The following DHRS7B variants were observed in gnomAD, a reference collection of about 807,000 sequenced individuals.
DHRS7B encodes the protein peroxisomal reductase activating PPAR-gamma.
DHRS7B carries 24 observed loss-of-function variants against 26.4 expected under a neutral mutation model. The observed-to-expected ratio is 0.91, with a 90% confidence interval of 0.66 to 1.28. The LOEUF (loss-of-function observed/expected upper bound fraction) is 1.28. Among genes scored for constraint, DHRS7B ranks in the 50% most tolerant of loss-of-function variants. DHRS7B has a pLI of 0.00. For missense variants in DHRS7B, 368 were observed against 419.4 expected, an observed-to-expected ratio of 0.88 and a Z score of 1.07; for synonymous variants, 142 against 166.4, an observed-to-expected ratio of 0.85 and a Z score of 1.13.
chr17:21,180,829 A>C (rs1974500938), intron 3 of DHRS7B, among the ~76,000 whole-genome samples: 1 of 152,162 alleles, frequency 6.6e-6, no homozygotes, highest in Admixed American at 6.5e-5. Context: ...GTAATCCCAT[A>C]TTTGTGCAAA....
chr17:21,149,028 T>C (rs1295140873), intron 1 of DHRS7B, among the ~76,000 whole-genome samples: 1 of 151,856 alleles, frequency 6.6e-6, no homozygotes, highest in Non-Finnish European at 1.5e-5. Context: ...ATAATCAGAC[T>C]CTTAAAGGTC....
intron 1 of DHRS7B, among the ~76,000 whole-genome samples, chr17:21,130,947 A>G (rs1720781959): frequency 6.6e-6 from 1 of 152,216 alleles, no homozygotes; most frequent in African/African-American, 2.4e-5. Context: ...ACCCACCCAG[A>G]TAGGAAATAC....
chr17:21,166,542 A>G, intron 1 of DHRS7B: 1 of 175,866 alleles, frequency 5.7e-6, no homozygotes, highest in South Asian at 2.8e-4. Context: ...TTTGAGACCA[A>G]AAAAAAAAAA....
At chr17:21,139,507 C>G (rs142199452) in intron 1 of DHRS7B, among the ~76,000 whole-genome samples, 2,972 of 152,034 alleles carry the variant, frequency 0.02, 115 homozygotes, top group African/African-American at 0.068. Flanking sequence ...AACCCTGTCT[C>G]TACTAAAAAT....
intron 3 of DHRS7B, among the ~76,000 whole-genome samples, chr17:21,179,555 G>A (rs367793444): frequency 5.9e-5 from 9 of 152,088 alleles, no homozygotes; most frequent in Admixed American, 1.3e-4. Context: ...AACCAAGATC[G>A]CACCACTGCA....
intron 1 of DHRS7B, among the ~76,000 whole-genome samples, chr17:21,138,075 A>AAAATATATATATAT (rs1238830544): frequency 3.0e-5 from 1 of 33,220 alleles, no homozygotes; most frequent in African/African-American, 1.4e-4. Context: ...TTAAAAAAAA[A>AAAATATATATATAT]ATATATATAT....
chr17:21,138,843 T>C lies in DHRS7B; in HGVS notation c.20+11852T>C, dbSNP rs973110142. Among the ~76,000 whole-genome samples the C allele has an allele frequency of 3.3e-5, 5 of 152,258 alleles. No individual in the cohort carries two copies. The East Asian group carries it at 7.7e-4, about 23-fold the overall frequency. On this transcript the variant is annotated intron_variant, in intron 1 of 6. Coordinates refer to ENST00000395511, the MANE Select transcript of DHRS7B (RefSeq NM_015510.5). The stretch of plus-strand genomic sequence containing the variant: ...AAATACCCAAATAATTAAATACCTA[T>C]TATTTAATTTAATATAACTTTATAT...
intron 1 of DHRS7B, among the ~76,000 whole-genome samples, chr17:21,137,849 C>T (rs957410726): frequency 4.0e-5 from 6 of 151,296 alleles, no homozygotes; most frequent in African/African-American, 7.3e-5. Flanking sequence ...CTGCTTGCCT[C>T]GGCCTCCCAT....
At chr17:21,138,207 C>CCTT (rs1454822194) in intron 1 of DHRS7B, among the ~76,000 whole-genome samples, 1 of 117,560 alleles carries the variant, frequency 8.5e-6, no homozygotes, top group African/African-American at 3.2e-5. Context: ...ATCCATCCCT[C>CCTT]CTTCTTTTTT....
intron 5 of DHRS7B, among the ~76,000 whole-genome samples, chr17:21,187,220 G>A (rs968538259): frequency 1.3e-5 from 2 of 151,622 alleles, no homozygotes; most frequent in African/African-American, 4.8e-5. Context: ...CTTTGGGAGG[G>A]TGAAGTGGGA....
At chr17:21,152,226 C>A (rs1174359847) in intron 1 of DHRS7B, among the ~76,000 whole-genome samples, 1 of 152,176 alleles carries the variant, frequency 6.6e-6, no homozygotes. Context: ...CTGATCTCAG[C>A]TCACTGTAGC....
At chr17:21,136,079 A>C (rs1973333538) in intron 1 of DHRS7B, among the ~76,000 whole-genome samples, 1 of 152,222 alleles carries the variant, frequency 6.6e-6, no homozygotes, top group African/African-American at 2.4e-5. Context: ...TGGGTGGATC[A>C]CCTGAGGTCA....
intron 1 of DHRS7B, among the ~76,000 whole-genome samples, chr17:21,147,177 C>T (rs934790109): frequency 2.0e-5 from 3 of 152,038 alleles, no homozygotes; most frequent in Non-Finnish European, 2.9e-5. Context: ...CTGAACAGAG[C>T]TGGGGGTCTT....
rs2143821636 is a variant in DHRS7B, at chr17:21,127,202, TG to T, written c.20+213del. The T allele has an allele frequency of 5.8e-6, 3 of 515,912 alleles. No homozygotes were observed. The South Asian group carries it at 9.8e-5, about 17-fold the overall frequency. 32.0% of individuals were successfully genotyped at this position (515,912 alleles called of 1,614,324 possible). On this transcript the variant is annotated intron_variant, in intron 1 of 6. Transcript: ENST00000395511. ...CAGAGCCCTGGCTCCGGCGAGTGCG[TG>T]GCGGGGAAACCCGCCTGTCGCCGAG...
chr17:21,167,333 A>G (rs898457491), intron 1 of DHRS7B, among the ~76,000 whole-genome samples: 1 of 152,122 alleles, frequency 6.6e-6, no homozygotes, highest in Non-Finnish European at 1.5e-5. Flanking sequence ...CCTTAGCGGG[A>G]CTTTGCTACC....
At chr17:21,158,920 G>T (rs1181090939) in intron 1 of DHRS7B, among the ~76,000 whole-genome samples, 1 of 147,014 alleles carries the variant, frequency 6.8e-6, no homozygotes, top group Admixed American at 6.8e-5. Flanking sequence ...ATGGAGAAAA[G>T]ATAGTCTTTT....
At chr17:21,152,529 G>A (rs1973793971) in intron 1 of DHRS7B, among the ~76,000 whole-genome samples, 1 of 152,188 alleles carries the variant, frequency 6.6e-6, no homozygotes, top group Admixed American at 6.5e-5. Context: ...CCAGTCATGG[G>A]GGGTGCTCAT....
rs750850282 is a variant in DHRS7B, at chr17:21,127,058, G to T, written c.20+67G>T. The T allele has an allele frequency of 2.1e-6, 3 of 1,434,000 alleles. No homozygotes were observed. The African/African-American group carries it at 4.5e-5, about 22-fold the overall frequency. The allele number at this position is 1,434,000 out of a possible 1,614,324, so 88.8% of individuals were successfully genotyped here. A position where few individuals can be genotyped will look rare whatever the true frequency, so the allele number is the denominator to read the frequency against. On this transcript the variant is annotated intron_variant, in intron 1 of 6. Coordinates refer to ENST00000395511, the MANE Select transcript of DHRS7B (RefSeq NM_015510.5). ...GGGTCTGGCCTTGAGCTGAGGCGAC[G>T]CCCCGGCTTGGGTGAGGGGAAGCGG... is the stretch of plus-strand genomic sequence containing the variant.
At chr17:21,137,313 T>TTTTTTTTTG (rs1390786571) in intron 1 of DHRS7B, among the ~76,000 whole-genome samples, 1 of 132,698 alleles carries the variant, frequency 7.5e-6, no homozygotes, top group Non-Finnish European at 1.6e-5. Flanking sequence ...TTTTTTTTTT[T>TTTTTTTTTG]TGAGACAGAG....
Sources: gnomAD v4.1 joint callset for allele counts (sites outside exome capture counted in the v4.1 genomes callset) on GRCh38, gnomAD v4.1.1 for gene constraint, MANE v1.5 for transcripts, NCBI Gene and HGNC (gene_info 2026-07-23, HGNC 2026-07-21) for gene names.